Variants in INTS1 observed in about 807,000 individuals in gnomAD.
INTS1 encodes the protein integrator complex subunit 1.
In INTS1, 137 loss-of-function variants were observed where a neutral mutation model predicts 241.6. The observed-to-expected ratio is 0.57, with a 90% CI of 0.49 to 0.65. The LOEUF is 0.65. Among genes scored for constraint, INTS1 ranks in the 30% least tolerant of loss-of-function variants. The pLI, the probability that INTS1 is intolerant of heterozygous loss-of-function variation, is 0.00. For synonymous variants in INTS1, 1,692 were observed against 1,337.8 expected, an observed-to-expected ratio of 1.26 and a Z score of -5.78; for missense variants, 3,073 against 3,032.2, an observed-to-expected ratio of 1.01 and a Z score of -0.32.
In INTS1 at chr7:1,493,692, G is replaced by C; in HGVS notation, c.2068+62C>G. The C allele has an allele frequency of 6.7e-7, 1 of 1,503,246 alleles. No homozygotes were observed. Among genetic ancestry groups the C allele is most frequent in the Non-Finnish European group, 8.9e-7 (1 of 1,120,654 alleles). 93.1% of individuals were successfully genotyped at this position (1,503,246 alleles called of 1,614,324 possible). ...CCCCAGAGGTGCGTGCCAGAGCCGG[G>C]GTTTCTGCAGGGACGAGGGGAGCAG... On this transcript the variant is annotated intron_variant, in intron 15 of 47. Transcript: ENST00000404767. This position sits in a 1 kb window ranked among gnomAD's most constrained non-coding sequence, Gnocchi z 5.3.
intron 24 of INTS1, among the ~76,000 whole-genome samples, chr7:1,484,670 G>A (rs373715008): frequency 1.3e-5 from 2 of 152,208 alleles, no homozygotes; most frequent in Admixed American, 6.5e-5. Context: ...TCCTGGCGTC[G>A]GGGAGAAGGC....
rs764785079 is a variant in INTS1, at chr7:1,504,380, A to C, written c.-99T>G. 2 of 478,402 alleles carry C rather than the reference A, an allele frequency of 4.2e-6. No individual in the cohort carries two copies. Among genetic ancestry groups the C allele is most frequent in the South Asian group, 3.1e-5 (2 of 65,050 alleles). 29.6% of individuals were successfully genotyped at this position (478,402 alleles called of 1,614,324 possible). ...GCCACCCGGCCACCCCGGAATCGGA[A>C]ACCGATCTCACCGCCCTCGAGGACC... On this transcript the variant is annotated 5_prime_UTR_variant, in exon 1 of 48. Transcript: ENST00000404767.
chr7:1,472,863 C>T (rs1386889890), intron 43 of INTS1, among the ~76,000 whole-genome samples: 7 of 150,324 alleles, frequency 4.7e-5, no homozygotes, highest in Non-Finnish European at 4.4e-5. Flanking sequence ...GGCGATGTGC[C>T]GGGGGGCAGG....
At position 1,493,555 on chromosome 7, in the gene INTS1, C is replaced by T. The variant is rs192964261; in HGVS notation, c.2068+199G>A. Reference sequence around the variant, plus strand: ...TCCAAAGAACGGGGCAGTGACTGCACCATTGCCAAATACACGCACGCTTCT... The same window carrying T: ...TCCAAAGAACGGGGCAGTGACTGCATCATTGCCAAATACACGCACGCTTCT... On this transcript the variant is annotated intron_variant, in intron 15 of 47. Transcript: ENST00000404767. This position sits in a 1 kb window ranked among gnomAD's most constrained non-coding sequence, Gnocchi z 5.3. Among the ~76,000 whole-genome samples, 11 of 152,126 alleles carry T rather than the reference C, an allele frequency of 7.2e-5. No homozygotes were observed. The highest frequency in any genetic ancestry group is 1.0e-4 in the Non-Finnish European group (7 of 68,024).
In INTS1 at chr7:1,480,839, G is replaced by A; in HGVS notation, c.3945C>T (p.Arg1315=). ...HSLLTASLPP[R]RDSTEAPKPK... ...GGCCCCACCCCTCCCCAGTACCTCG[G>A]CGGGGCGGCAGGGAGGCTGTGAGCA... Residue 1315 remains arginine, a synonymous_variant, in exon 29 of 48, where the codon CGC becomes CGT. Transcript: ENST00000404767. 6.4e-7 allele frequency: 1 copy of A among 1,551,338 alleles called. No homozygotes were observed. The highest frequency in any genetic ancestry group is 1.2e-5 in the South Asian group (1 of 84,154).
intron 16 of INTS1, among the ~76,000 whole-genome samples, chr7:1,492,236 T>C (rs959544568): frequency 1.3e-5 from 2 of 152,160 alleles, no homozygotes; most frequent in African/African-American, 4.8e-5. Flanking sequence ...ATGATCTCTG[T>C]CCACACAGTG....
Position 1,484,189 on chromosome 7 carries a change from G to A in INTS1, c.3262-19C>T. ...CCACGTCCTGGTGTGTGGACAGGGG[G>A]GCGTCAGAGGCTCCGAGACAGCTCT... On this transcript the variant is annotated intron_variant, in intron 24 of 47. Transcript: ENST00000404767. The A allele has an allele frequency of 1.9e-6, 3 of 1,595,628 alleles. No homozygotes were observed. The highest frequency in any genetic ancestry group is 8.6e-7 in the Non-Finnish European group (1 of 1,169,386).
Position 1,494,949 on chromosome 7 carries a change from C to A in INTS1, c.1833-56G>T, listed in dbSNP as rs373342060. 24 of 1,540,966 alleles carry A rather than the reference C, an allele frequency of 1.6e-5. No homozygotes were observed. The African/African-American group carries it at 2.1e-4, about 13-fold the overall frequency. On this transcript the variant is annotated intron_variant, in intron 13 of 47. Transcript: ENST00000404767. The stretch of plus-strand genomic sequence containing the variant: ...GATGTGGGTGCTCAGGGACCAGCCC[C>A]GTTAGTTCCAGGGAAGGGACCCCGC...
intron 3 of INTS1, among the ~76,000 whole-genome samples, chr7:1,502,497 A>C (rs569146362): frequency 2.6e-5 from 4 of 152,194 alleles, no homozygotes; most frequent in Non-Finnish European, 5.9e-5. Flanking sequence ...GGAGGGAAGG[A>C]GGAACCAAGT....
chr7:1,498,449 T>C lies in INTS1; in HGVS notation c.1388A>G (p.Tyr463Cys). 6.2e-7 allele frequency: 1 copy of C among 1,613,910 alleles called. No individual in the cohort carries two copies. Among genetic ancestry groups the C allele is most frequent in the South Asian group, 1.1e-5 (1 of 91,062 alleles). ...ARNPNNMQVL[Y>C]TALQHSSELA... Reference sequence around the variant, plus strand: ...CTCTGAGCTGTGCTGCAGTGCGGTATAGAGGACCTGCATGTTGTTCGGGTT... The same window carrying C: ...CTCTGAGCTGTGCTGCAGTGCGGTACAGAGGACCTGCATGTTGTTCGGGTT... Residue 463 changes from tyrosine (Y) to cysteine (C), a missense_variant, in exon 10 of 48, where the codon TAT becomes TGT. Physicochemically the swap from Tyr to Cys is radical, Grantham distance 194 (BLOSUM62 -2). Transcript: ENST00000404767.
chr7:1,471,380 C>A (rs780544491), intron 45 of INTS1, among the ~76,000 whole-genome samples, 156 bp from the exon 46 acceptor site: 1 of 152,184 alleles, frequency 6.6e-6, no homozygotes, highest in South Asian at 2.1e-4. Flanking sequence ...GGTCCCAGCC[C>A]GGGGCTGAAG....
intron 16 of INTS1, among the ~76,000 whole-genome samples, chr7:1,492,494 G>A (rs866138608): frequency 6.6e-5 from 10 of 152,276 alleles, no homozygotes; most frequent in Middle Eastern, 3.4e-3. Context: ...AACCAAAGAA[G>A]GTTCTACAAT....
At chr7:1,496,306 G>A (rs773504076) in intron 11 of INTS1, 42 bp from the exon 12 acceptor site, 16 of 1,437,004 alleles carry the variant, frequency 1.1e-5, no homozygotes, top group African/African-American at 7.0e-5. Flanking sequence ...AGGGACACCC[G>A]GGAGCCCCAC....
In INTS1 at chr7:1,474,258, G is replaced by A. The variant is rs1584257692; in HGVS notation, c.5739C>T (p.Gly1913=). ...NHLSCFLHVL[G]LLELLQPHVF... is the part of the protein sequence containing the mutation. ...CGTGCGGCTGCAGCAGCTCCAGCAG[G>A]CCCAGCACGTGCAGGAAGCAGCTCA... The change falls in exon 41 of 48, where the codon GGC becomes GGT. Residue 1913 remains glycine, a synonymous_variant. Transcript: ENST00000404767. The A allele has an allele frequency of 3.1e-6, 5 of 1,607,368 alleles. No individual in the cohort carries two copies. In the Admixed American group the frequency reaches 5.0e-5, roughly 16 times the overall value.
chr7:1,470,931 C>A lies in INTS1; in HGVS notation c.6372G>T (p.Thr2124=). The A allele has an allele frequency of 6.3e-6, 10 of 1,577,050 alleles. No homozygotes were observed. Among genetic ancestry groups the A allele is most frequent in the African/African-American group, 1.4e-5 (1 of 74,068 alleles). ...SPSIAAAFLP[T]FMYCLGSQDF... ...CCTGGCTGCCCAGGCAGTACATGAA[C>A]GTGGGCAGGAAAGCGGCTGCAATGC... is the stretch of plus-strand genomic sequence containing the variant. The change falls in exon 47 of 48, where the codon ACG becomes ACT. Residue 2124 remains threonine (T), a synonymous_variant. Transcript: ENST00000404767.
intron 45 of INTS1, 119 bp downstream of exon 45, chr7:1,471,452 C>T: frequency 8.4e-6 from 10 of 1,194,138 alleles, no homozygotes; most frequent in Non-Finnish European, 1.2e-5. Flanking sequence ...CACCCGAAGC[C>T]CAGCCTCAGA....
chr7:1,478,497 C>A lies in INTS1; in HGVS notation c.4499G>T (p.Gly1500Val), dbSNP rs975260077. 1.2e-6 allele frequency: 2 copies of A among 1,610,412 alleles called. No individual in the cohort carries two copies. Among genetic ancestry groups the A allele is most frequent in the East Asian group, 4.5e-5 (2 of 44,848 alleles). The change falls in exon 33 of 48, where the codon GGG becomes GTG. Residue 1500 changes from glycine to valine, a missense_variant. Gly to Val is a moderately radical substitution (Grantham distance 109). Transcript: ENST00000404767. ...AGRRLSDVRG[G>V]LLRLAEALAF... The stretch of plus-strand genomic sequence containing the variant: ...CAGGGCCTCGGCCAGGCGCAGGAGC[C>A]CCCCTCGCACTGTGGGAGGTCTGTG...
rs773030992 is a variant in INTS1, at chr7:1,474,675, C to T, written c.5636+30G>A. ...CAGACCCCCCTGGTTAAACCAGTGTCTGGCGAGGGCAGGGCTTCTGGGACA... is the reference window on the plus strand; with the variant it reads ...CAGACCCCCCTGGTTAAACCAGTGTTTGGCGAGGGCAGGGCTTCTGGGACA... On this transcript the variant is annotated intron_variant, in intron 40 of 47. Coordinates refer to ENST00000404767, the MANE Select transcript of INTS1 (RefSeq NM_001080453.3). 5.8e-6 allele frequency: 9 copies of T among 1,544,968 alleles called. No individual in the cohort carries two copies. The South Asian group carries it at 8.4e-5, about 14-fold the overall frequency.
At chr7:1,502,308 G>A (rs531509351) in intron 3 of INTS1, among the ~76,000 whole-genome samples, 2 of 152,266 alleles carry the variant, frequency 1.3e-5, no homozygotes, top group South Asian at 4.2e-4. Flanking sequence ...GGAGCCTTGA[G>A]AAATGGTCGT....
Sources: allele counts gnomAD v4.1 joint callset (sites outside exome capture counted in the v4.1 genomes callset), GRCh38; gene constraint gnomAD v4.1.1; non-coding constraint Gnocchi (gnomAD v3.1); transcripts MANE v1.5; gene names NCBI Gene and HGNC (gene_info 2026-07-23, HGNC 2026-07-21).